GPATCH11: variants seen among roughly 807,000 people sequenced by gnomAD.
The protein encoded by GPATCH11 is G-patch domain containing 11.
Under a neutral mutation model 44.8 loss-of-function variants are expected in GPATCH11, and 32 were observed. The ratio of observed to expected loss-of-function variants is 0.71; its 90% CI spans 0.54 to 0.96. GPATCH11 has a LOEUF of 0.96. GPATCH11 is among the 40% of genes least tolerant of loss of function. GPATCH11 has a pLI of 0.00. For missense variants in GPATCH11, 324 were observed against 303.1 expected (o/e 1.07, Z -0.51); for synonymous variants, 84 against 94.4 (o/e 0.89, Z 0.64).
intron 2 of GPATCH11, among the ~76,000 whole-genome samples, chr2:37,088,867 T>C (rs1673172861): frequency 6.6e-6 from 1 of 152,164 alleles, no homozygotes; most frequent in Admixed American, 6.5e-5. Context: ...TCTTCTTGCT[T>C]TATGGAAATA....
At chr2:37,087,799 T>A (rs1673119225) in intron 1 of GPATCH11, among the ~76,000 whole-genome samples, 1 of 152,218 alleles carries the variant, frequency 6.6e-6, no homozygotes, top group South Asian at 2.1e-4. Context: ...GGGACAGTTG[T>A]GTCAGATTAT....
rs1673683146 is a variant in GPATCH11 at position 37,098,192 on chromosome 2, AT to A, written c.*1931del. The A allele has an allele frequency of 6.6e-6, 1 of 151,722 alleles. No individual in the cohort carries two copies. Among genetic ancestry groups the A allele is most frequent in the Non-Finnish European group, 1.5e-5 (1 of 67,964 alleles). The allele number at this position is 151,722 out of a possible 1,614,324, so 9.4% of individuals were successfully genotyped here. A position where few individuals can be genotyped will look rare whatever the true frequency, so the allele number is the denominator to read the frequency against. On this transcript the variant is annotated 3_prime_UTR_variant, in exon 9 of 9. Transcript: ENST00000674370. Reference sequence around the variant, plus strand: ...ACAAAAATTAGCTGGGCGTGGTGGCATTCGCCTGTAATCCCAGCTACTCAGA... The same window carrying A: ...ACAAAAATTAGCTGGGCGTGGTGGCATCGCCTGTAATCCCAGCTACTCAGA...
rs1027414575 is a variant in GPATCH11 at position 37,084,572 on chromosome 2, T to A, written c.-14+2T>A. Reference sequence around the variant, plus strand: ...CCGGGGCGAGCAGAGAGCTGTCAGGTAAGAGAGCTGTCAGGTAAGGGTCTG... The same window carrying A: ...CCGGGGCGAGCAGAGAGCTGTCAGGAAAGAGAGCTGTCAGGTAAGGGTCTG... On this transcript the variant is annotated splice_donor_variant, in intron 1 of 8. Coordinates refer to ENST00000674370, the MANE Select transcript of GPATCH11 (RefSeq NM_174931.4). LOFTEE classifies it low-confidence loss of function (5UTR_SPLICE). The A allele has an allele frequency of 1.6e-6, 2 of 1,232,134 alleles. No individual in the cohort carries two copies. The highest frequency in any genetic ancestry group is 3.1e-5 in the African/African-American group (2 of 64,418). 76.3% of individuals were successfully genotyped at this position (1,232,134 alleles called of 1,614,324 possible). A position where few individuals can be genotyped will look rare whatever the true frequency, so the allele number is the denominator to read the frequency against.
At chr2:37,085,036 A>G (rs1672926645) in intron 1 of GPATCH11, among the ~76,000 whole-genome samples, 1 of 152,112 alleles carries the variant, frequency 6.6e-6, no homozygotes, top group African/African-American at 2.4e-5. Context: ...AAATGCGACC[A>G]CTTGCATTGC....
chr2:37,085,409 T>G (rs1672962420), intron 1 of GPATCH11, among the ~76,000 whole-genome samples: 1 of 152,224 alleles, frequency 6.6e-6, no homozygotes, highest in Non-Finnish European at 1.5e-5. Flanking sequence ...GTTAAACCAT[T>G]ATGTGTAAAA....
Position 37,092,218 on chromosome 2 carries a change from G to T in GPATCH11, c.503G>T (p.Arg168Ile). 1 of 1,541,888 alleles carries T rather than the reference G, an allele frequency of 6.5e-7. No homozygotes were observed. The highest frequency in any genetic ancestry group is 8.7e-7 in the Non-Finnish European group (1 of 1,149,086). The change falls in exon 6 of 9, where the codon AGA (arginine) becomes ATA (isoleucine). Residue 168 changes from arginine (R) to isoleucine (I), a missense_variant. Arg to Ile is a moderately conservative substitution (Grantham distance 97). Coordinates refer to ENST00000674370, the MANE Select transcript of GPATCH11 (RefSeq NM_174931.4). ...DEMKLEGDLR[R>I]SQRACQQLDV... ...ATGAAGCTAGAAGGAGATCTCAGAA[G>T]AAGCCAGCGAGCCTGTCAACAACTG...
rs1275172162 is a variant in GPATCH11 at position 37,098,363 on chromosome 2, TATATATAGAG to T, written c.*2102_*2111del. On this transcript the variant is annotated 3_prime_UTR_variant, in exon 9 of 9. Coordinates refer to ENST00000674370, the MANE Select transcript of GPATCH11 (RefSeq NM_174931.4). Reference sequence around the variant, plus strand: ...ATATATATATGTATGTATATATATATATATATAGAGAGAGAGAGAGAGAGAGAGCTATTAA... The same window carrying T: ...ATATATATATGTATGTATATATATATAGAGAGAGAGAGAGAGAGCTATTAA... 9.1e-5 allele frequency: 13 copies of T among 142,938 alleles called. No homozygotes were observed. Among genetic ancestry groups the T allele is most frequent in the Admixed American group, 2.8e-4 (4 of 14,406 alleles). 8.9% of individuals were successfully genotyped at this position (142,938 alleles called of 1,614,324 possible).
intron 2 of GPATCH11, among the ~76,000 whole-genome samples, 190 bp downstream of exon 2, chr2:37,088,630 T>C (rs1673161544): frequency 6.6e-6 from 1 of 152,134 alleles, no homozygotes; most frequent in Non-Finnish European, 1.5e-5. Flanking sequence ...GATCCTCCCA[T>C]CTTGGCCTCC....
At chr2:37,088,483 G>C (rs759950377) in intron 2 of GPATCH11, 43 bp downstream of exon 2, 1 of 898,142 alleles carries the variant, frequency 1.1e-6, no homozygotes, top group South Asian at 1.6e-5. Flanking sequence ...TGTATAAGAT[G>C]TGTAGATTAA....
intron 4 of GPATCH11, 132 bp from the exon 5 acceptor site, chr2:37,091,784 A>G (rs1673330649): frequency 1.4e-6 from 1 of 713,886 alleles, no homozygotes; most frequent in Non-Finnish European, 2.2e-6. Flanking sequence ...GTTTTCTACT[A>G]TTAGTGTACT....
At position 37,095,420 on chromosome 2, in the gene GPATCH11, G is replaced by T; in HGVS notation, c.655-17G>T. 6.3e-7 allele frequency: 1 copy of T among 1,593,786 alleles called. No individual in the cohort carries two copies. Reference sequence around the variant, plus strand: ...CTGTTCAATGTAAAGTATTAATAATGTGCTTGTATCCTATAGGTACTGGAA... The same window carrying T: ...CTGTTCAATGTAAAGTATTAATAATTTGCTTGTATCCTATAGGTACTGGAA... On this transcript the variant is annotated splice_polypyrimidine_tract_variant and intron_variant, in intron 7 of 8. Transcript: ENST00000674370.
intron 8 of GPATCH11, 131 bp from the exon 9 acceptor site, chr2:37,096,077 G>T: frequency 1.6e-6 from 1 of 630,468 alleles, no homozygotes; most frequent in Non-Finnish European, 2.7e-6. Context: ...GGTTATTGTT[G>T]TTTTTATCTT....
chr2:37,089,937 T>C, intron 3 of GPATCH11, 71 bp downstream of exon 3: 1 of 1,039,380 alleles, frequency 9.6e-7, no homozygotes, highest in South Asian at 1.4e-5. Context: ...GGACCAAAGC[T>C]GATGCTTTAA....
At position 37,099,221 on chromosome 2, in the gene GPATCH11, A is replaced by G. The variant is rs1673761604; in HGVS notation, c.*2958A>G. ...TTTAACATACCAAATTGGTTTTTCT[A>G]ATAAACATTTATTTCAAGTGTTATT... On this transcript the variant is annotated 3_prime_UTR_variant, in exon 9 of 9. Coordinates refer to ENST00000674370, the MANE Select transcript of GPATCH11 (RefSeq NM_174931.4). 1 of 152,222 alleles carries G rather than the reference A, an allele frequency of 6.6e-6. No individual in the cohort carries two copies. Among genetic ancestry groups the G allele is most frequent in the African/African-American group, 2.4e-5 (1 of 41,460 alleles). 9.4% of individuals were successfully genotyped at this position (152,222 alleles called of 1,614,324 possible). A position where few individuals can be genotyped will look rare whatever the true frequency, so the allele number is the denominator to read the frequency against.
intron 1 of GPATCH11, among the ~76,000 whole-genome samples, chr2:37,086,544 C>G (rs1214109506): frequency 6.6e-6 from 1 of 152,172 alleles, no homozygotes; most frequent in African/African-American, 2.4e-5. Context: ...CCTGTAATCC[C>G]AGCACTTTGG....
At chr2:37,096,004 T>A (rs1673560462) in intron 8 of GPATCH11, among the ~76,000 whole-genome samples, 1 of 152,214 alleles carries the variant, frequency 6.6e-6, no homozygotes, top group South Asian at 2.1e-4. Flanking sequence ...TCTAACACCT[T>A]TGCCCAAGCT....
At chr2:37,085,826 T>C (rs529659826) in intron 1 of GPATCH11, among the ~76,000 whole-genome samples, 63 of 152,372 alleles carry the variant, frequency 4.1e-4, no homozygotes, top group Middle Eastern at 6.8e-3. Flanking sequence ...GCATGGACTT[T>C]CTTAAGAAGT....
chr2:37,098,778 G>T lies in GPATCH11; in HGVS notation c.*2515G>T, dbSNP rs1673723479. 6.6e-6 allele frequency: 1 copy of T among 152,208 alleles called. No homozygotes were observed. The highest frequency in any genetic ancestry group is 1.5e-5 in the Non-Finnish European group (1 of 68,062). 9.4% of individuals were successfully genotyped at this position (152,208 alleles called of 1,614,324 possible). A position where few individuals can be genotyped will look rare whatever the true frequency, so the allele number is the denominator to read the frequency against. ...ATACAGGCTTTCAGCCGGGTGCAGT[G>T]GTGCATGCCTTTGGTCCCAGCTACT... On this transcript the variant is annotated 3_prime_UTR_variant, in exon 9 of 9. Transcript: ENST00000674370.
chr2:37,089,298 A>G (rs6734269), intron 2 of GPATCH11, among the ~76,000 whole-genome samples: 142,029 of 152,208 alleles, frequency 0.93, 67,054 homozygotes, highest in East Asian at 1. Flanking sequence ...CAGGCGTGGA[A>G]GCTCACGCCT....
Sources: gnomAD v4.1 joint callset for allele counts (sites outside exome capture counted in the v4.1 genomes callset) on GRCh38, gnomAD v4.1.1 for gene constraint, MANE v1.5 for transcripts, NCBI Gene and HGNC (gene_info 2026-07-23, HGNC 2026-07-21) for gene names.